NDST4: variants seen among roughly 807,000 people sequenced by gnomAD.
NDST4 encodes N-heparan sulfate sulfotransferase 4.
NDST4 carries 63 observed loss-of-function variants against 100.8 expected under a neutral mutation model. The observed-to-expected ratio is 0.62, with a 90% CI of 0.51 to 0.77. The LOEUF (loss-of-function observed/expected upper bound fraction) is 0.77. NDST4 is among the 30% of genes least tolerant of loss of function. The pLI, the probability that NDST4 is intolerant of heterozygous loss-of-function variation, is 0.00. For synonymous variants in NDST4, 377 were observed against 361.8 expected, an observed-to-expected ratio of 1.04 and a Z score of -0.48; for missense variants, 943 against 1,018.4, an observed-to-expected ratio of 0.93 and a Z score of 1.01.
rs747198350 is a variant in NDST4 at position 115,076,164 on chromosome 4, C to A, written c.873G>T (p.Leu291Phe). 6.2e-7 allele frequency: 1 copy of A among 1,613,928 alleles called. No homozygotes were observed. Among genetic ancestry groups the A allele is most frequent in the Non-Finnish European group, 8.5e-7 (1 of 1,179,914 alleles). ...AGGACAATGTCAGCCTCTTCCCTGA[C>A]AAGAAGGAGATGGCATCTATGAAGA... ...KLIFIDAISF[L>F]SGKRLTLSLD... Residue 291 changes from leucine (L) to phenylalanine (F), a missense_variant, in exon 2 of 14, where the codon TTG becomes TTT. Physicochemically the swap from Leu to Phe is conservative, Grantham distance 22. This residue lies in a region of NDST4 where 417 missense variants were observed against 384.2 expected (regional missense o/e 1.09). Transcript: ENST00000264363.
chr4:114,874,610 T>A (rs1724220521), intron 6 of NDST4, among the ~76,000 whole-genome samples: 1 of 152,218 alleles, frequency 6.6e-6, no homozygotes, highest in Admixed American at 6.6e-5. Flanking sequence ...ACTGTGCATA[T>A]CTGGCTTGCT....
chr4:114,926,354 A>G (rs1475612342), intron 6 of NDST4, among the ~76,000 whole-genome samples: 2 of 152,078 alleles, frequency 1.3e-5, no homozygotes, highest in Non-Finnish European at 2.9e-5. Flanking sequence ...GAAATCAAGA[A>G]ACCCCATTCC....
chr4:115,065,580 C>A (rs1728929443), intron 2 of NDST4, among the ~76,000 whole-genome samples: 1 of 151,442 alleles, frequency 6.6e-6, no homozygotes, highest in South Asian at 2.1e-4. Context: ...TCAATGAATA[C>A]CTTATTTTAA....
chr4:114,851,041 T>A (rs1280860080), intron 8 of NDST4, among the ~76,000 whole-genome samples: 1 of 152,202 alleles, frequency 6.6e-6, no homozygotes, highest in Non-Finnish European at 1.5e-5. Flanking sequence ...ATATCACGTC[T>A]TTCCATTCTC....
intron 7 of NDST4, among the ~76,000 whole-genome samples, chr4:114,869,794 C>T (rs941831493): frequency 6.6e-6 from 1 of 152,032 alleles, no homozygotes; most frequent in African/African-American, 2.4e-5. Flanking sequence ...TTATTTTGTT[C>T]TTTGCATGCC....
intron 4 of NDST4, among the ~76,000 whole-genome samples, chr4:114,964,400 G>T (rs560081186): frequency 2.0e-5 from 3 of 152,222 alleles, no homozygotes; most frequent in African/African-American, 7.2e-5. Context: ...TTCATAAACT[G>T]TTAAATAATT....
chr4:114,981,474 G>A (rs1454337929), intron 2 of NDST4, among the ~76,000 whole-genome samples: 1 of 152,010 alleles, frequency 6.6e-6, no homozygotes, highest in Non-Finnish European at 1.5e-5. Context: ...ATATACTCCA[G>A]CTGGTTCTAA....
chr4:114,908,298 G>T, intron 6 of NDST4, among the ~76,000 whole-genome samples: 1 of 151,954 alleles, frequency 6.6e-6, no homozygotes, highest in East Asian at 1.9e-4. Flanking sequence ...TGTTACTTGT[G>T]GCAGGAGTTA....
At chr4:115,023,989 T>A (rs76011496) in intron 2 of NDST4, among the ~76,000 whole-genome samples, 8,941 of 152,196 alleles carry the variant, frequency 0.059, 892 homozygotes, top group African/African-American at 0.2. Context: ...AGGTGTGGCT[T>A]GGCCTGCCAC....
Position 115,076,817 on chromosome 4 carries a change from A to G in NDST4, c.220T>C (p.Ser74Pro). The part of the protein sequence containing the change: ...ELKTVKPIDT[S>P]KTDPTVLLFV... ...AGAAGGACAGTAGGGTCCGTTTTGG[A>G]TGTGTCAATAGGTTTAACTGTTTTC... Residue 74 changes from serine to proline, a missense_variant, in exon 2 of 14, where the codon TCC becomes CCC. By Grantham distance (74) the Ser-to-Pro change is moderately conservative. Transcript: ENST00000264363. The G allele has an allele frequency of 1.9e-6, 3 of 1,613,902 alleles. No homozygotes were observed. Among genetic ancestry groups the G allele is most frequent in the Non-Finnish European group, 2.5e-6 (3 of 1,179,906 alleles).
At position 115,022,901 on chromosome 4, in the gene NDST4, C is replaced by T. The variant is rs148549038; in HGVS notation, c.979-45627G>A. ...TGCCTTCTGCCATGATTTTGAGGCC[C>T]CCTCAGCCACGTAGAACTGAAAGAC... On this transcript the variant is annotated intron_variant, in intron 2 of 13. Transcript: ENST00000264363. 1.8e-3 allele frequency among the ~76,000 whole-genome samples: 268 copies of T among 152,284 alleles called. 11 individuals carry two copies. In the East Asian group the frequency reaches 0.045, roughly 26 times the overall value.
intron 2 of NDST4, among the ~76,000 whole-genome samples, chr4:115,023,976 C>G (rs1055099688): frequency 6.6e-6 from 1 of 152,086 alleles, no homozygotes; most frequent in African/African-American, 2.4e-5. Context: ...CTCAAGTGGC[C>G]CCAGGTGTGG....
intron 6 of NDST4, among the ~76,000 whole-genome samples, chr4:114,883,436 T>TA (rs1051348366): frequency 3.9e-5 from 6 of 151,982 alleles, no homozygotes; most frequent in African/African-American, 9.7e-5. Context: ...GGGCAATCAC[T>TA]AAAAAAGTTA....
At chr4:115,056,866 G>T (rs1728705532) in intron 2 of NDST4, among the ~76,000 whole-genome samples, 1 of 150,696 alleles carries the variant, frequency 6.6e-6, no homozygotes, top group African/African-American at 2.4e-5. Flanking sequence ...GTTTTTGGAT[G>T]ATTACGGTCA....
At chr4:115,042,479 A>C (rs565125501) in intron 2 of NDST4, among the ~76,000 whole-genome samples, 7 of 152,300 alleles carry the variant, frequency 4.6e-5, no homozygotes, top group Admixed American at 1.3e-4. Context: ...GGTACAGTAC[A>C]ATAAGAGAGG....
chr4:114,999,185 C>G (rs1434190090), intron 2 of NDST4, among the ~76,000 whole-genome samples: 1 of 151,864 alleles, frequency 6.6e-6, no homozygotes, highest in African/African-American at 2.4e-5. Context: ...TTGTGAATGC[C>G]TATAGGTTTG....
At chr4:115,090,451 C>A (rs1729493190) in intron 1 of NDST4, among the ~76,000 whole-genome samples, 1 of 151,782 alleles carries the variant, frequency 6.6e-6, no homozygotes, top group Non-Finnish European at 1.5e-5. Context: ...AATTAAATTA[C>A]AGAAAGATAA....
At chr4:115,109,664 G>T (rs1203193129) in intron 1 of NDST4, among the ~76,000 whole-genome samples, 1 of 151,484 alleles carries the variant, frequency 6.6e-6, no homozygotes, top group Non-Finnish European at 1.5e-5. Context: ...TTTTTTCTCA[G>T]ATTTTTCAAA....
At chr4:114,943,230 T>C (rs1423406470) in intron 4 of NDST4, among the ~76,000 whole-genome samples, 1 of 151,586 alleles carries the variant, frequency 6.6e-6, no homozygotes, top group Non-Finnish European at 1.5e-5. Context: ...AAATAGGTAT[T>C]CATTCATATA....
Sources: allele counts gnomAD v4.1 joint callset (sites outside exome capture counted in the v4.1 genomes callset), GRCh38; gene constraint gnomAD v4.1.1; regional missense constraint gnomAD v4.1.1; transcripts MANE v1.5; gene names NCBI Gene and HGNC (gene_info 2026-07-23, HGNC 2026-07-21).